The following NHSL1 variants were observed in gnomAD, a reference collection of about 807,000 sequenced individuals.
The protein encoded by NHSL1 is NHS-like protein 1.
A neutral mutation model predicts 95.0 loss-of-function variants in NHSL1; 48 were observed. The ratio of observed to expected loss-of-function variants is 0.51; its 90% CI spans 0.40 to 0.64. The LOEUF is 0.64. Among genes scored for constraint, NHSL1 ranks in the 30% least tolerant of loss-of-function variants. NHSL1 has a pLI of 0.00. For missense variants in NHSL1, 1,971 were observed against 2,077.7 expected (o/e 0.95, Z 1.00); for synonymous variants, 783 against 833.9 (o/e 0.94, Z 1.05).
chr6:138,524,344 A>G (rs1405686612), intron 1 of NHSL1, among the ~76,000 whole-genome samples: 1 of 152,204 alleles, frequency 6.6e-6, no homozygotes, highest in Non-Finnish European at 1.5e-5. Flanking sequence ...ATCAAGATAG[A>G]GATCATTACC....
At chr6:138,638,879 A>C (rs1331828568) in intron 1 of NHSL1, among the ~76,000 whole-genome samples, 1 of 152,266 alleles carries the variant, frequency 6.6e-6, no homozygotes, top group African/African-American at 2.4e-5. Context: ...ACTATTTTCA[A>C]GAAAACATCT....
At chr6:138,546,448 A>AAAAAAAAAAAAAAAAAAAAAAC (rs1562362745), upstream of NHSL1, among the ~76,000 whole-genome samples, 1 of 142,012 alleles carries the variant, frequency 7.0e-6, no homozygotes, top group African/African-American at 3.0e-5. Context: ...AAAAAAAAAA[A>AAAAAAAAAAAAAAAAAAAAAAC]AAAAAAAAAA....
intron 1 of NHSL1, among the ~76,000 whole-genome samples, chr6:138,615,275 A>T (rs556230133): frequency 1.3e-5 from 2 of 152,194 alleles, no homozygotes; most frequent in Non-Finnish European, 2.9e-5. Flanking sequence ...CACTCTTATC[A>T]TATGTTTACA....
upstream of NHSL1, among the ~76,000 whole-genome samples, chr6:138,549,166 C>G (rs1782912086): frequency 6.6e-6 from 1 of 152,068 alleles, no homozygotes; most frequent in Non-Finnish European, 1.5e-5. Flanking sequence ...GGTGGATCAC[C>G]TGAGGTCAGG....
rs150148925 is a variant in NHSL1 at position 138,528,968 on chromosome 6, T to A, written c.16+16655A>T. 3.7e-3 allele frequency among the ~76,000 whole-genome samples: 564 copies of A among 152,330 alleles called. 5 individuals are homozygous for A. The highest frequency in any genetic ancestry group is 0.013 in the African/African-American group (532 of 41,572). ...GCTGAAAAGAAGTAAACATCTCAAA[T>A]GTCCTATTTTTTACAAAACACTTGG... On this transcript the variant is annotated intron_variant, in intron 1 of 4. Coordinates refer to the NHSL1 transcript ENST00000342260.
rs1775047744 is a variant in NHSL1 at position 138,423,594 on chromosome 6, CTT to C, written c.*485_*486del. The C allele has an allele frequency of 1.3e-5, 2 of 152,382 alleles. No homozygotes were observed. The highest frequency in any genetic ancestry group is 2.9e-5 in the Non-Finnish European group (2 of 68,218). The allele number at this position is 152,382 out of a possible 1,614,324, so 9.4% of individuals were successfully genotyped here. ...TTAAGAACCAGCAACTCTACTGCCT[CTT>C]TCTTGAAGTAACATCTTCTCCTTTC... On this transcript the variant is annotated 3_prime_UTR_variant, in exon 8 of 8. Coordinates refer to ENST00000343505, the MANE Select transcript of NHSL1 (RefSeq NM_001144060.2).
intron 1 of NHSL1, among the ~76,000 whole-genome samples, chr6:138,527,888 G>A (rs371163823): frequency 1.3e-5 from 2 of 152,168 alleles, no homozygotes; most frequent in East Asian, 1.9e-4. Flanking sequence ...CTGGGACCTC[G>A]GGAAGTTAAG....
chr6:138,456,243 C>A (rs1051396392), intron 3 of NHSL1, among the ~76,000 whole-genome samples: 1 of 152,264 alleles, frequency 6.6e-6, no homozygotes. Context: ...AGTTGAGGAA[C>A]CTGAACCTCA....
rs184697937 is a variant in NHSL1 at position 138,579,117 on chromosome 6, G to A, written c.97-82746C>T. On this transcript the variant is annotated intron_variant, in intron 1 of 3. Transcript: ENST00000491526. The stretch of plus-strand genomic sequence containing the variant: ...CGCACTCCTATGAGAATCTAATGCC[G>A]CTGCCTGTCTGACAGGAGGTGAAGC... 7.3e-4 allele frequency among the ~76,000 whole-genome samples: 111 copies of A among 152,292 alleles called. No homozygotes were observed. The East Asian group carries it at 0.015, about 20-fold the overall frequency.
chr6:138,542,456 C>A (rs1782621187), intron 1 of NHSL1, among the ~76,000 whole-genome samples: 2 of 152,298 alleles, frequency 1.3e-5, no homozygotes, highest in South Asian at 4.1e-4. Context: ...ACTACCAGTC[C>A]ACAATTAGAT....
intron 1 of NHSL1, among the ~76,000 whole-genome samples, chr6:138,679,893 C>T (rs534873387): frequency 6.6e-6 from 1 of 152,100 alleles, no homozygotes; most frequent in East Asian, 1.9e-4. Flanking sequence ...GTTTAAAATG[C>T]TATTGATTAC....
intron 1 of NHSL1, among the ~76,000 whole-genome samples, chr6:138,641,830 T>C (rs1165319751): frequency 6.6e-6 from 1 of 152,054 alleles, no homozygotes; most frequent in Non-Finnish European, 1.5e-5. Context: ...GAAAAGATAT[T>C]CCCTCACTCT....
chr6:138,656,307 T>C (rs1050519354), intron 1 of NHSL1, among the ~76,000 whole-genome samples: 4 of 152,222 alleles, frequency 2.6e-5, no homozygotes, highest in Non-Finnish European at 4.4e-5. Context: ...TAAAAATGCA[T>C]TAACTCCAAT....
chr6:138,617,500 C>T (rs144376593), intron 1 of NHSL1, among the ~76,000 whole-genome samples: 2 of 152,300 alleles, frequency 1.3e-5, no homozygotes, highest in East Asian at 1.9e-4. Flanking sequence ...CTTTCATTTG[C>T]TCATCTATTA....
chr6:138,513,938 T>C (rs1781344594), intron 1 of NHSL1, among the ~76,000 whole-genome samples: 1 of 152,206 alleles, frequency 6.6e-6, no homozygotes, highest in Admixed American at 6.5e-5. Context: ...TTTGATACAC[T>C]GTGGGCATGC....
chr6:138,471,543 C>T (rs1379553436), intron 3 of NHSL1, among the ~76,000 whole-genome samples: 1 of 151,956 alleles, frequency 6.6e-6, no homozygotes, highest in East Asian at 1.9e-4. Flanking sequence ...AGGAGTAATC[C>T]AATATGTGAA....
intron 1 of NHSL1, among the ~76,000 whole-genome samples, chr6:138,578,595 C>T (rs1180113800): frequency 6.6e-6 from 1 of 152,126 alleles, no homozygotes; most frequent in Non-Finnish European, 1.5e-5. Flanking sequence ...AAATAAATAA[C>T]TTTTTTAAAA....
At chr6:138,685,566 A>T (rs189575160) in intron 1 of NHSL1, among the ~76,000 whole-genome samples, 1 of 152,036 alleles carries the variant, frequency 6.6e-6, no homozygotes, top group Admixed American at 6.6e-5. Flanking sequence ...AAGAGCCCAT[A>T]CAGGCTGGGT....
At position 138,423,882 on chromosome 6, in the gene NHSL1, T is replaced by C. The variant is rs983829144; in HGVS notation, c.*199A>G. On this transcript the variant is annotated 3_prime_UTR_variant, in exon 8 of 8. Coordinates refer to ENST00000343505, the MANE Select transcript of NHSL1 (RefSeq NM_001144060.2). Reference sequence around the variant, plus strand: ...TTTCAGAAGTTTAAGCTTCTACTTGTTCTTAAGCCACAGGGCAAGTGCCAG... The same window carrying C: ...TTTCAGAAGTTTAAGCTTCTACTTGCTCTTAAGCCACAGGGCAAGTGCCAG... 11 of 419,432 alleles carry C rather than the reference T, an allele frequency of 2.6e-5. No individual in the cohort carries two copies. Among genetic ancestry groups the C allele is most frequent in the Non-Finnish European group, 4.4e-5 (11 of 248,308 alleles). The allele number at this position is 419,432 out of a possible 1,614,324, so 26.0% of individuals were successfully genotyped here. A position where few individuals can be genotyped will look rare whatever the true frequency, so the allele number is the denominator to read the frequency against.
Sources: gnomAD v4.1 joint callset for allele counts (sites outside exome capture counted in the v4.1 genomes callset) on GRCh38, gnomAD v4.1.1 for gene constraint, MANE v1.5 for transcripts, NCBI Gene and HGNC (gene_info 2026-07-23, HGNC 2026-07-21) for gene names.